The following FAHD1 variants were observed in gnomAD, a reference collection of about 807,000 sequenced individuals.
FAHD1 encodes the protein oxaloacetate tautomerase FAHD1, mitochondrial.
Under a neutral mutation model 12.7 loss-of-function variants are expected in FAHD1, and 14 were observed. The ratio of observed to expected loss-of-function variants is 1.10; its 90% CI spans 0.73 to 1.72. The LOEUF is 1.72. Ranked by LOEUF, FAHD1 falls within the 40% of genes most tolerant of loss-of-function variation. FAHD1 has a pLI of 0.00. For missense variants in FAHD1, 351 were observed against 298.9 expected (o/e 1.17, Z -1.29); for synonymous variants, 153 against 124.9 (o/e 1.22, Z -1.50).
chr16:1,830,728 C>T (rs1365291255), downstream of FAHD1, among the ~76,000 whole-genome samples: 2 of 152,148 alleles, frequency 1.3e-5, no homozygotes, highest in Non-Finnish European at 2.9e-5. Context: ...CAGAAGATAA[C>T]GTTTTTCCAC....
At chr16:1,830,447 G>C (rs1176962415), downstream of FAHD1, among the ~76,000 whole-genome samples, 4 of 152,226 alleles carry the variant, frequency 2.6e-5, no homozygotes, top group Non-Finnish European at 5.9e-5. Flanking sequence ...GTTCAGCTGA[G>C]ATATAGCTAC....
At chr16:1,832,247 T>G (rs573164792), downstream of FAHD1, among the ~76,000 whole-genome samples, 3 of 138,152 alleles carry the variant, frequency 2.2e-5, no homozygotes, top group African/African-American at 8.0e-5. Context: ...CTCGGCTCAC[T>G]GCAAGCTCCG....
At chr16:1,840,165 A>T (rs964005308) in exon 3 of FAHD1, 1 of 152,216 alleles carries the variant, frequency 6.6e-6, no homozygotes, top group Non-Finnish European at 1.5e-5. Context: ...CAAATTTTAG[A>T]TGCTTTTCCT....
chr16:1,828,166 A>G lies in FAHD1; in HGVS notation c.*262A>G, dbSNP rs1258781486. 9 of 856,848 alleles carry G rather than the reference A, an allele frequency of 1.1e-5. No individual in the cohort carries two copies. The South Asian group carries it at 1.7e-4, about 16-fold the overall frequency. 53.1% of individuals were successfully genotyped at this position (856,848 alleles called of 1,614,324 possible). A position where few individuals can be genotyped will look rare whatever the true frequency, so the allele number is the denominator to read the frequency against. On this transcript the variant is annotated 3_prime_UTR_variant, in exon 1 of 1. Coordinates refer to ENST00000427358, the Ensembl canonical transcript of FAHD1. ...CGTGGTGGCGGGCGCCTGTAGTCCC[A>G]GCTACTCTGGAGGCTGAGGCAGGAG... is the stretch of plus-strand genomic sequence containing the variant.
At chr16:1,830,903 CCT>C (rs199581179), downstream of FAHD1, among the ~76,000 whole-genome samples, 25,046 of 126,276 alleles carry the variant, frequency 0.2, 2,401 homozygotes, top group South Asian at 0.31. Flanking sequence ...CAGACATGCA[CCT>C]CTCTCTCTCT....
chr16:1,827,302 A>AGG lies in FAHD1; in HGVS notation c.65_66dup (p.Asn23GlyfsTer15), dbSNP rs766075445. On this transcript the variant is annotated frameshift_variant, in exon 1 of 1. Coordinates refer to ENST00000427358, the Ensembl canonical transcript of FAHD1. LOFTEE classifies it high-confidence loss of function. ...GGGAAAGAACATCGTCTGCGTGGGG[A>AGG]GGAACTACGCGGACCACGTCAGGGA... is the stretch of plus-strand genomic sequence containing the variant. 6.2e-7 allele frequency: 1 copy of AGG among 1,613,174 alleles called. No individual in the cohort carries two copies. The highest frequency in any genetic ancestry group is 1.7e-5 in the Admixed American group (1 of 60,028).
chr16:1,829,809 T>C (rs1193961400), downstream of FAHD1, among the ~76,000 whole-genome samples: 4 of 152,228 alleles, frequency 2.6e-5, no homozygotes, highest in Non-Finnish European at 4.4e-5. Flanking sequence ...GTGGATATAA[T>C]TGTAATTTTT....
chr16:1,834,842 G>C (rs1258079001), intron 1 of FAHD1, among the ~76,000 whole-genome samples: 1 of 152,208 alleles, frequency 6.6e-6, no homozygotes, highest in Non-Finnish European at 1.5e-5. Context: ...GGCTGAGGCA[G>C]GAGAATCCCT....
At chr16:1,837,280 C>T (rs60181953) in intron 1 of FAHD1, among the ~76,000 whole-genome samples, 26,817 of 151,624 alleles carry the variant, frequency 0.18, 2,496 homozygotes, top group South Asian at 0.27. Flanking sequence ...CCCGCAACAA[C>T]CCAAGCACTT....
At chr16:1,827,274 G>C (rs778746548) in exon 1 of FAHD1, 1 of 1,612,670 alleles carries the variant, frequency 6.2e-7, no homozygotes, top group Non-Finnish European at 8.5e-7. Flanking sequence ...GCTTCTGGGA[G>C]TGGGGAAAGA....
downstream of FAHD1, among the ~76,000 whole-genome samples, chr16:1,830,675 C>T (rs866199107): frequency 3.3e-5 from 5 of 152,070 alleles, no homozygotes; most frequent in Non-Finnish European, 5.9e-5. Flanking sequence ...ACACCAAGTC[C>T]GACAATTCCT....
At chr16:1,827,592 G>A (rs766174715) in exon 1 of FAHD1, 40 of 1,613,638 alleles carry the variant, frequency 2.5e-5, no homozygotes, top group Non-Finnish European at 3.2e-5. Flanking sequence ...CCTGGACTCT[G>A]GCGAAGAGCT....
At chr16:1,833,554 C>CTTT (rs769668788), downstream of FAHD1, among the ~76,000 whole-genome samples, 100 of 114,276 alleles carry the variant, frequency 8.8e-4, no homozygotes, top group African/African-American at 3.2e-3. Context: ...TTTAGAGGTA[C>CTTT]TTTTTTTTTT....
At chr16:1,834,428 G>A in intron 1 of FAHD1, 1 of 884,382 alleles carries the variant, frequency 1.1e-6, no homozygotes, top group Non-Finnish European at 1.9e-6. Context: ...TGTATATCAA[G>A]TTGAAAAATC....
downstream of FAHD1, among the ~76,000 whole-genome samples, chr16:1,833,067 A>G (rs996571892): frequency 2.6e-5 from 4 of 151,980 alleles, no homozygotes; most frequent in African/African-American, 9.7e-5. Context: ...GTAGCCTTCT[A>G]AAGTACCAGG....
exon 1 of FAHD1, chr16:1,827,459 T>G (rs750146072): frequency 1.2e-6 from 2 of 1,610,916 alleles, no homozygotes; most frequent in East Asian, 2.2e-5. Context: ...CTGGGCGTGG[T>G]GATGGGCAAG....
At chr16:1,829,617 ATTTC>A (rs1049815778), downstream of FAHD1, among the ~76,000 whole-genome samples, 36 of 152,254 alleles carry the variant, frequency 2.4e-4, no homozygotes, top group African/African-American at 7.5e-4. Context: ...CCATAATTGG[ATTTC>A]TTTATTAAGT....
exon 1 of FAHD1, chr16:1,827,229 G>C: frequency 4.4e-6 from 7 of 1,597,762 alleles, no homozygotes; most frequent in Non-Finnish European, 6.0e-6. Context: ...AGGGGCACTT[G>C]ATGGGAATCA....
exon 3 of FAHD1, chr16:1,839,570 G>T: frequency 5.3e-6 from 4 of 750,322 alleles, no homozygotes; most frequent in East Asian, 2.8e-5. Context: ...AGTGCTATGC[G>T]GTCTACAAGA....
Sources: allele counts gnomAD v4.1 joint callset (sites outside exome capture counted in the v4.1 genomes callset), GRCh38; gene constraint gnomAD v4.1.1; transcripts MANE v1.5; gene names NCBI Gene and HGNC (gene_info 2026-07-23, HGNC 2026-07-21).